The following SCN2A variants were observed in gnomAD, a reference collection of about 807,000 sequenced individuals.
SCN2A encodes the protein sodium channel protein type 2 subunit alpha.
In SCN2A, 20 loss-of-function variants were observed where a neutral mutation model predicts 188.7. That is an observed-to-expected ratio of 0.11 (90% CI 0.07 to 0.15). SCN2A has a LOEUF of 0.15. SCN2A is among the 10% of genes least tolerant of loss of function. The pLI is 1.00. For missense variants in SCN2A, 1,278 were observed against 2,445.0 expected (o/e 0.52, Z 10.07); for synonymous variants, 804 against 833.1 (o/e 0.97, Z 0.60).
At chr2:165,307,403 A>T (rs984527035) in intron 3 of SCN2A, among the ~76,000 whole-genome samples, 7 of 152,126 alleles carry the variant, frequency 4.6e-5, no homozygotes, top group African/African-American at 1.4e-4. Context: ...TTTAGAAAGG[A>T]CCTTATTATA....
chr2:165,291,510 T>TC (rs1559340460), intron 1 of SCN2A, among the ~76,000 whole-genome samples: 22 of 133,644 alleles, frequency 1.6e-4, no homozygotes, highest in African/African-American at 3.2e-4. Context: ...TTTCTTTCTT[T>TC]CTTCCTCTCC....
intron 7 of SCN2A, 50 bp downstream of exon 7, chr2:165,310,645 A>C: frequency 7.8e-7 from 1 of 1,288,836 alleles, no homozygotes; most frequent in Non-Finnish European, 1.1e-6. Context: ...CTAAATATTA[A>C]ATATTATATA....
rs1378800420 is a variant in SCN2A, at chr2:165,291,507, C to CT, written c.-51-4263dup. ...CTTTCTTTCTTTTCTTTCTTTCTTT[C>CT]TTTCTTCCTCTCCTTTCTTTCCTTC... On this transcript the variant is annotated intron_variant, in intron 1 of 26. Transcript: ENST00000375437. 9.0e-3 allele frequency among the ~76,000 whole-genome samples: 930 copies of CT among 103,208 alleles called. 10 individuals are homozygous for CT. The highest frequency in any genetic ancestry group is 0.018 in the Admixed American group (161 of 8,854). 67.7% of individuals were successfully genotyped at this position (103,208 alleles called of 152,430 possible).
intron 20 of SCN2A, 152 bp downstream of exon 20, chr2:165,370,451 A>AT: frequency 5.2e-6 from 4 of 771,976 alleles, no homozygotes; most frequent in East Asian, 5.2e-5. Context: ...GCCTCAAAAC[A>AT]TTTTTTACCA....
chr2:165,385,832 G>A (rs1431163762), intron 25 of SCN2A, among the ~76,000 whole-genome samples: 1 of 152,086 alleles, frequency 6.6e-6, no homozygotes, highest in Non-Finnish European at 1.5e-5. Flanking sequence ...GGAAAACTTG[G>A]AGAAGTATTT....
rs1206472778 is a variant in SCN2A at position 165,389,776 on chromosome 2, A to G, written c.5970A>G (p.Lys1990=). ...KPEKEKFEKD[K]SEKEDKGKDI... is the part of the protein sequence containing the mutation. Reference sequence around the variant, plus strand: ...AAAAAGAAAAATTTGAAAAAGACAAATCAGAAAAGGAAGACAAAGGGAAAG... The same window carrying G: ...AAAAAGAAAAATTTGAAAAAGACAAGTCAGAAAAGGAAGACAAAGGGAAAG... Residue 1990 remains lysine (K), a synonymous_variant, in exon 27 of 27, where the codon AAA becomes AAG. Coordinates refer to ENST00000375437, the MANE Select transcript of SCN2A (RefSeq NM_001040142.2). The surrounding 1 kb of genome is among the most constrained non-coding windows in gnomAD (Gnocchi z 4.2). 24 of 1,612,792 alleles carry G rather than the reference A, an allele frequency of 1.5e-5. No individual in the cohort carries two copies. The East Asian group carries it at 5.1e-4, about 34-fold the overall frequency.
Position 165,388,625 on chromosome 2 carries a change from AC to A in SCN2A, c.4823-3del, listed in dbSNP as rs1701998816. 1 of 1,613,606 alleles carries A rather than the reference AC, an allele frequency of 6.2e-7. No homozygotes were observed. Among genetic ancestry groups the A allele is most frequent in the Admixed American group, 1.7e-5 (1 of 59,948 alleles). On this transcript the variant is annotated splice_region_variant and splice_polypyrimidine_tract_variant and intron_variant, in intron 26 of 26. Transcript: ENST00000375437. ...TATTTTTGTTATTTGTTGATTTTCTACAGGAATGTTTCTGGCTGAACTGATA... is the reference window on the plus strand; with the variant it reads ...TATTTTTGTTATTTGTTGATTTTCTAAGGAATGTTTCTGGCTGAACTGATA...
At position 165,314,155 on chromosome 2, in the gene SCN2A, C is replaced by A. The variant is rs188371458; in HGVS notation, c.1383+47C>A. The A allele has an allele frequency of 1.3e-5, 21 of 1,576,730 alleles. No individual in the cohort carries two copies. In the East Asian group the frequency reaches 3.9e-4, roughly 29 times the overall value. ...TCCTTTGTTTTTCTTTATCTAAATT[C>A]TTTAACCTAAATGTTGAGGTCAGTG... is the stretch of plus-strand genomic sequence containing the variant. On this transcript the variant is annotated intron_variant, in intron 10 of 26. Coordinates refer to ENST00000375437, the MANE Select transcript of SCN2A (RefSeq NM_001040142.2).
intron 1 of SCN2A, among the ~76,000 whole-genome samples, chr2:165,258,627 T>C (rs1198368370): frequency 6.6e-6 from 1 of 152,180 alleles, no homozygotes. Flanking sequence ...TAAAGACACA[T>C]GCACACCTAT....
At chr2:165,323,579 C>G (rs1363533774) in intron 12 of SCN2A, 79 bp downstream of exon 12, 1 of 1,351,010 alleles carries the variant, frequency 7.4e-7, no homozygotes, top group African/African-American at 1.4e-5. Flanking sequence ...ATTTCCACAT[C>G]TAAGAATTTG....
At chr2:165,380,954 G>A (rs59847862) in intron 24 of SCN2A, 139 bp from the exon 25 acceptor site, 1 of 699,498 alleles carries the variant, frequency 1.4e-6, no homozygotes, top group South Asian at 1.9e-5. Context: ...TTTATATATT[G>A]AATAAAGGCA....
chr2:165,292,951 G>A (rs1393693221), intron 1 of SCN2A, among the ~76,000 whole-genome samples: 1 of 152,202 alleles, frequency 6.6e-6, no homozygotes, highest in East Asian at 1.9e-4. Flanking sequence ...TTAATTGAAA[G>A]CCTAGCATTC....
chr2:165,360,317 T>A (rs1700398079), intron 17 of SCN2A, among the ~76,000 whole-genome samples: 1 of 152,014 alleles, frequency 6.6e-6, no homozygotes, highest in Non-Finnish European at 1.5e-5. Flanking sequence ...AAAGAAAAAC[T>A]ATTCATCTGG....
rs1048343964 is a variant in SCN2A, at chr2:165,391,700, A to G, written c.*1876A>G. On this transcript the variant is annotated 3_prime_UTR_variant, in exon 27 of 27. Coordinates refer to ENST00000375437, the MANE Select transcript of SCN2A (RefSeq NM_001040142.2). Reference sequence around the variant, plus strand: ...AGCTGATACTCTTGGCATTGCTTGAATCCAATGTTTCCACCTAGTCTTTTT... The same window carrying G: ...AGCTGATACTCTTGGCATTGCTTGAGTCCAATGTTTCCACCTAGTCTTTTT... 3.9e-5 allele frequency: 6 copies of G among 152,496 alleles called. No homozygotes were observed. Among genetic ancestry groups the G allele is most frequent in the Non-Finnish European group, 8.8e-5 (6 of 67,976 alleles). The allele number at this position is 152,496 out of a possible 1,614,324, so 9.4% of individuals were successfully genotyped here.
chr2:165,375,057 T>C, intron 22 of SCN2A, 91 bp downstream of exon 22: 1 of 1,105,650 alleles, frequency 9.0e-7, no homozygotes, highest in South Asian at 1.3e-5. Flanking sequence ...CCTGTTAGAA[T>C]GGCTATTATC....
intron 24 of SCN2A, 168 bp downstream of exon 24, chr2:165,380,897 C>A: frequency 5.7e-6 from 4 of 703,662 alleles, no homozygotes; most frequent in Non-Finnish European, 7.1e-6. Flanking sequence ...ATTCAGATAG[C>A]ATGTTTTTGA....
At chr2:165,387,599 A>G (rs1290429305) in intron 26 of SCN2A, among the ~76,000 whole-genome samples, 1 of 152,160 alleles carries the variant, frequency 6.6e-6, no homozygotes, top group Non-Finnish European at 1.5e-5. Context: ...CATTAATGTT[A>G]GGATACATAC....
chr2:165,288,829 T>C (rs1398585895), intron 1 of SCN2A, among the ~76,000 whole-genome samples: 1 of 151,790 alleles, frequency 6.6e-6, no homozygotes, highest in African/African-American at 2.4e-5. Context: ...GATAAGAAAA[T>C]AGACTTGAAC....
chr2:165,359,934 T>G (rs1273919728), intron 17 of SCN2A, among the ~76,000 whole-genome samples: 1 of 152,012 alleles, frequency 6.6e-6, no homozygotes, highest in Non-Finnish European at 1.5e-5. Flanking sequence ...ATGTATTCAT[T>G]ATAAACACTA....
Sources: allele counts gnomAD v4.1 joint callset (sites outside exome capture counted in the v4.1 genomes callset), GRCh38; gene constraint gnomAD v4.1.1; non-coding constraint Gnocchi (gnomAD v3.1); transcripts MANE v1.5; gene names NCBI Gene and HGNC (gene_info 2026-07-23, HGNC 2026-07-21).